The following SEPTIN9 variants were observed in gnomAD, a reference collection of about 807,000 sequenced individuals.
SEPTIN9 encodes the protein septin-9.
In SEPTIN9, 13 loss-of-function variants were observed where a neutral mutation model predicts 56.6. That is an observed-to-expected ratio of 0.23 (90% confidence interval 0.15 to 0.37). SEPTIN9 has a LOEUF of 0.37. Among genes scored for constraint, SEPTIN9 ranks in the 10% least tolerant of loss-of-function variants. SEPTIN9 has a pLI of 1.00. For synonymous variants in SEPTIN9, 332 were observed against 334.1 expected (o/e 0.99, Z 0.07); for missense variants, 650 against 823.1 (o/e 0.79, Z 2.57).
rs530024170 is a variant in SEPTIN9, at chr17:77,320,021, C to T, written c.76+12824C>T. The stretch of plus-strand genomic sequence containing the variant: ...CTGCCGGACTCCTCGGGGCCCACTT[C>T]GGGCCCTCTCTCCTGCCTCCTATTT... On this transcript the variant is annotated intron_variant, in intron 2 of 11. Coordinates refer to ENST00000427177, the MANE Select transcript of SEPTIN9 (RefSeq NM_001113491.2). The T allele has an allele frequency of 8.8e-5, 117 of 1,332,520 alleles. No homozygotes were observed. In the South Asian group the frequency reaches 1.8e-3, roughly 20 times the overall value. The allele number at this position is 1,332,520 out of a possible 1,614,324, so 82.5% of individuals were successfully genotyped here.
In SEPTIN9 at chr17:77,487,551, C is replaced by G. The variant is rs200363929; in HGVS notation, c.1041C>G (p.His347Gln). 1 of 1,613,212 alleles carries G rather than the reference C, an allele frequency of 6.2e-7. No homozygotes were observed. Among genetic ancestry groups the G allele is most frequent in the Admixed American group, 1.7e-5 (1 of 60,006 alleles). ...CCATCGAGATCAAGTCCATCACGCA[C>G]GGTCAGTGGCCGGGAGTGGGCTGGG... is the stretch of plus-strand genomic sequence containing the variant. Reference protein sequence around the residue: ...PKTIEIKSITHDIEEKGVRMK... With the variant: ...PKTIEIKSITQDIEEKGVRMK... The change falls in exon 5 of 12, where the codon CAC becomes CAG. Residue 347 changes from histidine (H) to glutamine (Q), a missense_variant and splice_region_variant. Around this residue, in one of 2 missense-constraint regions of SEPTIN9, gnomAD observed 333 missense variants for 494.0 expected, o/e 0.67. Coordinates refer to ENST00000427177, the MANE Select transcript of SEPTIN9 (RefSeq NM_001113491.2). This position sits in a 1 kb window ranked among gnomAD's most constrained non-coding sequence, Gnocchi z 4.3.
intron 1 of SEPTIN9, among the ~76,000 whole-genome samples, chr17:77,282,195 G>C (rs1370567894): frequency 6.6e-6 from 1 of 152,194 alleles, no homozygotes; most frequent in Non-Finnish European, 1.5e-5. Context: ...TTTCATAAGA[G>C]GCTCCCGCTC....
chr17:77,387,347 T>A (rs1260283465), intron 2 of SEPTIN9, among the ~76,000 whole-genome samples: 1 of 152,212 alleles, frequency 6.6e-6, no homozygotes, highest in Non-Finnish European at 1.5e-5. Context: ...AGGATGCTTG[T>A]CATTGCATTT....
intron 2 of SEPTIN9, among the ~76,000 whole-genome samples, chr17:77,368,913 C>T (rs1359620573): frequency 1.3e-5 from 2 of 152,202 alleles, no homozygotes; most frequent in Admixed American, 6.5e-5. Context: ...AACATCTCTT[C>T]TCAGTCTCAC....
Position 77,488,338 on chromosome 17 carries a change from G to T in SEPTIN9, c.1124+17G>T. The T allele has an allele frequency of 6.2e-7, 1 of 1,607,770 alleles. No homozygotes were observed. On this transcript the variant is annotated intron_variant, in intron 6 of 11. Coordinates refer to ENST00000427177, the MANE Select transcript of SEPTIN9 (RefSeq NM_001113491.2). ...CGAGAACTGGTGAGGCCCCTCCAGG[G>T]GGAGGAGCACTAGCGGGGGCTTCAG...
At chr17:77,455,620 C>G (rs899865643) in intron 3 of SEPTIN9, among the ~76,000 whole-genome samples, 2 of 152,206 alleles carry the variant, frequency 1.3e-5, no homozygotes, top group African/African-American at 4.8e-5. Context: ...AGATTCAGCC[C>G]TGAACCTGCA....
At chr17:77,420,292 C>T (rs894188559) in intron 3 of SEPTIN9, among the ~76,000 whole-genome samples, 6 of 152,226 alleles carry the variant, frequency 3.9e-5, no homozygotes, top group African/African-American at 1.4e-4. Context: ...GGAAGCTCAG[C>T]TCCCCATGTT....
chr17:77,301,131 A>G (rs987337985), intron 1 of SEPTIN9, among the ~76,000 whole-genome samples: 9 of 151,440 alleles, frequency 5.9e-5, no homozygotes, highest in Non-Finnish European at 1.0e-4. Flanking sequence ...GGAAGGAGCC[A>G]CAGGGAAACA....
In SEPTIN9 at chr17:77,402,279, G is replaced by C. The variant is rs1257798531; in HGVS notation, c.297G>C (p.Lys99Asn). 1 of 1,611,892 alleles carries C rather than the reference G, an allele frequency of 6.2e-7. No individual in the cohort carries two copies. ...GGAGGGTGGAGCTCTCGGGCCCCAA[G>C]GCGGCCGAGCCGGTGTCCCGGCGCA... is the stretch of plus-strand genomic sequence containing the variant. The part of the protein sequence containing the change: ...SLRRVELSGP[K>N]AAEPVSRRTE... Residue 99 changes from lysine (K) to asparagine (N), a missense_variant, in exon 3 of 12, where the codon AAG becomes AAC. This residue lies in a region of SEPTIN9 where 317 missense variants were observed against 329.1 expected (regional missense o/e 0.96). Coordinates refer to ENST00000427177, the MANE Select transcript of SEPTIN9 (RefSeq NM_001113491.2). This position sits in a 1 kb window ranked among gnomAD's most constrained non-coding sequence, Gnocchi z 6.6.
At chr17:77,424,104 C>G (rs1049033377) in intron 3 of SEPTIN9, among the ~76,000 whole-genome samples, 1 of 152,246 alleles carries the variant, frequency 6.6e-6, no homozygotes, top group Non-Finnish European at 1.5e-5. Flanking sequence ...TCATAAGTGA[C>G]CACTTACTGC....
chr17:77,368,454 G>C (rs1315867906), intron 2 of SEPTIN9, among the ~76,000 whole-genome samples: 1 of 152,132 alleles, frequency 6.6e-6, no homozygotes, highest in East Asian at 1.9e-4. Flanking sequence ...TGGGATTATA[G>C]GCGTTTGCCA....
chr17:77,476,435 G>A lies in SEPTIN9; in HGVS notation c.722-5709G>A, dbSNP rs1444733393. ...TCCCTCATCCTCGGCAGGTCCTGGG[G>A]TTGGGGTAAGAATTTGTCACTAAGT... On this transcript the variant is annotated intron_variant, in intron 3 of 11. Transcript: ENST00000427177. This position sits in a 1 kb window ranked among gnomAD's most constrained non-coding sequence, Gnocchi z 6.0. 1.3e-5 allele frequency among the ~76,000 whole-genome samples: 2 copies of A among 152,270 alleles called. No individual in the cohort carries two copies. Among genetic ancestry groups the A allele is most frequent in the East Asian group, 3.8e-4 (2 of 5,206 alleles).
At chr17:77,497,500 CG>C in intron 11 of SEPTIN9, 134 bp downstream of exon 11, 1 of 774,848 alleles carries the variant, frequency 1.3e-6, no homozygotes, top group Non-Finnish European at 2.2e-6. Flanking sequence ...GCCCTGCCCT[CG>C]GGAAGATCTT....
chr17:77,289,948 G>A (rs1353241651), intron 1 of SEPTIN9, among the ~76,000 whole-genome samples: 4 of 152,262 alleles, frequency 2.6e-5, no homozygotes, highest in South Asian at 2.1e-4. Flanking sequence ...TATGAAAGGC[G>A]TATATTTTCA....
At chr17:77,368,479 T>C (rs1598263365) in intron 2 of SEPTIN9, among the ~76,000 whole-genome samples, 1 of 152,274 alleles carries the variant, frequency 6.6e-6, no homozygotes, top group African/African-American at 2.4e-5. Context: ...GCCCGGCTGA[T>C]TTTTGTATTT....
At chr17:77,320,133 C>T (rs2032853756) in intron 2 of SEPTIN9, 3 of 1,490,528 alleles carry the variant, frequency 2.0e-6, no homozygotes, top group Non-Finnish European at 2.7e-6. Flanking sequence ...ATGATCAGCA[C>T]ATGGAAATGT....
intron 3 of SEPTIN9, among the ~76,000 whole-genome samples, chr17:77,455,808 C>T (rs2038174779): frequency 6.6e-6 from 1 of 152,244 alleles, no homozygotes; most frequent in African/African-American, 2.4e-5. Flanking sequence ...CGCAGATTTT[C>T]AACTTTTATC....
Position 77,456,024 on chromosome 17 carries a change from G to A in SEPTIN9, c.722-26120G>A, listed in dbSNP as rs1281720500. On this transcript the variant is annotated intron_variant, in intron 3 of 11. Transcript: ENST00000427177. This position sits in a 1 kb window ranked among gnomAD's most constrained non-coding sequence, Gnocchi z 6.0. ...CCCGGCACCGCTTCCCATGCGCCACGTGACTAGGAGGGTCTTGGGGCAGGA... is the reference window on the plus strand; with the variant it reads ...CCCGGCACCGCTTCCCATGCGCCACATGACTAGGAGGGTCTTGGGGCAGGA... Among the ~76,000 whole-genome samples, 2 of 152,194 alleles carry A rather than the reference G, an allele frequency of 1.3e-5. No individual in the cohort carries two copies. Among genetic ancestry groups the A allele is most frequent in the Non-Finnish European group, 2.9e-5 (2 of 68,026 alleles).
Position 77,499,458 on chromosome 17 carries a change from G to A in SEPTIN9, c.*800G>A, listed in dbSNP as rs745696971. 9.4e-6 allele frequency: 5 copies of A among 530,378 alleles called. No individual in the cohort carries two copies. Among genetic ancestry groups the A allele is most frequent in the Non-Finnish European group, 1.5e-5 (4 of 272,762 alleles). 32.9% of individuals were successfully genotyped at this position (530,378 alleles called of 1,614,324 possible). ...TTGAGGATAAAAAGGAAGGAGAGATGACCCCTACCCCCTCATCCCCCAGTT... is the reference window on the plus strand; with the variant it reads ...TTGAGGATAAAAAGGAAGGAGAGATAACCCCTACCCCCTCATCCCCCAGTT... On this transcript the variant is annotated 3_prime_UTR_variant, in exon 12 of 12. Transcript: ENST00000427177.
Sources: allele counts gnomAD v4.1 joint callset (sites outside exome capture counted in the v4.1 genomes callset), GRCh38; gene constraint gnomAD v4.1.1; regional missense constraint gnomAD v4.1.1; non-coding constraint Gnocchi (gnomAD v3.1); transcripts MANE v1.5; gene names NCBI Gene and HGNC (gene_info 2026-07-23, HGNC 2026-07-21).